Variants in UTP20 observed in about 807,000 individuals in gnomAD.
The protein encoded by UTP20 is UTP20 small subunit processome component.
A neutral mutation model predicts 329.5 loss-of-function variants in UTP20; 164 were observed. That is an observed-to-expected ratio of 0.50 (90% CI 0.44 to 0.57). UTP20 has a LOEUF of 0.57. Ranked by LOEUF, UTP20 falls within the 20% of genes least tolerant of loss-of-function variation. The pLI, the probability that UTP20 is intolerant of heterozygous loss-of-function variation, is 0.00. For synonymous variants in UTP20, 1,151 were observed against 1,159.3 expected, an observed-to-expected ratio of 0.99 and a Z score of 0.14; for missense variants, 3,055 against 3,284.2, an observed-to-expected ratio of 0.93 and a Z score of 1.71.
At chr12:101,285,399 C>A (rs747924176) in intron 2 of UTP20, among the ~76,000 whole-genome samples, 171 bp from the exon 3 acceptor site, 12 of 152,146 alleles carry the variant, frequency 7.9e-5, no homozygotes, top group Non-Finnish European at 1.2e-4. Context: ...CTATTGATAA[C>A]TTCTGATTGC....
intron 35 of UTP20, among the ~76,000 whole-genome samples, chr12:101,344,230 ACT>A (rs1869245973): frequency 6.6e-6 from 1 of 152,140 alleles, no homozygotes; most frequent in Non-Finnish European, 1.5e-5. Flanking sequence ...CAAACCACAA[ACT>A]CTGGAGCAGC....
chr12:101,323,633 GA>G (rs1229037342), intron 25 of UTP20, among the ~76,000 whole-genome samples: 1 of 151,938 alleles, frequency 6.6e-6, no homozygotes, highest in African/African-American at 2.4e-5. Flanking sequence ...ATTTTCTCAT[GA>G]AATTTTTTTT....
chr12:101,340,849 C>T (rs779136596), intron 32 of UTP20, among the ~76,000 whole-genome samples: 9 of 151,564 alleles, frequency 5.9e-5, no homozygotes, highest in Non-Finnish European at 1.2e-4. Context: ...AGTACTAGCC[C>T]CTTTATTTCC....
rs1177599714 is a variant in UTP20 at position 101,280,282 on chromosome 12, C to T, written c.-1C>T. 1 of 1,551,644 alleles carries T rather than the reference C, an allele frequency of 6.4e-7. No homozygotes were observed. The highest frequency in any genetic ancestry group is 1.4e-5 in the African/African-American group (1 of 73,064). ...TCGCGGGCCACTGGCCCTCTGCAGCCATGAAGACAAAGCCCGTTTCCCACA... is the reference window on the plus strand; with the variant it reads ...TCGCGGGCCACTGGCCCTCTGCAGCTATGAAGACAAAGCCCGTTTCCCACA... On this transcript the variant is annotated 5_prime_UTR_variant, in exon 1 of 62. Transcript: ENST00000261637.
chr12:101,283,194 A>G (rs1268174357), intron 2 of UTP20, among the ~76,000 whole-genome samples: 1 of 152,214 alleles, frequency 6.6e-6, no homozygotes, highest in Non-Finnish European at 1.5e-5. Context: ...AGGTATCAAG[A>G]GGCAGTGTTA....
chr12:101,347,200 T>G (rs1869353116), intron 38 of UTP20, among the ~76,000 whole-genome samples: 1 of 152,138 alleles, frequency 6.6e-6, no homozygotes, highest in South Asian at 2.1e-4. Flanking sequence ...TGGCACATAG[T>G]AAAGACTAGA....
In UTP20 at chr12:101,285,833, A is replaced by C; in HGVS notation, c.278A>C (p.Lys93Thr). Reference protein sequence around the residue: ...YHQNEIVQSLKTHLQVKNSFA... With the variant: ...YHQNEIVQSLTTHLQVKNSFA... ...CAAAACGAGATAGTTCAGAGTTTGA[A>C]GACTCACCTGCAAGTTAAGAACAGT... The change falls in exon 4 of 62, where the codon AAG (lysine) becomes ACG (threonine). Residue 93 changes from lysine to threonine, a missense_variant. By Grantham distance (78) the Lys-to-Thr change is moderately conservative (BLOSUM62 -1). Transcript: ENST00000261637. The C allele has an allele frequency of 6.2e-7, 1 of 1,613,930 alleles. No individual in the cohort carries two copies. Among genetic ancestry groups the C allele is most frequent in the Non-Finnish European group, 8.5e-7 (1 of 1,179,910 alleles).
intron 11 of UTP20, among the ~76,000 whole-genome samples, chr12:101,295,199 A>G (rs1872308510): frequency 6.6e-6 from 1 of 152,180 alleles, no homozygotes; most frequent in Non-Finnish European, 1.5e-5. Context: ...GGGAGGGTTC[A>G]TGGAGATAAA....
chr12:101,289,304 G>T (rs2137232349), intron 6 of UTP20, among the ~76,000 whole-genome samples: 1 of 152,096 alleles, frequency 6.6e-6, no homozygotes, highest in Middle Eastern at 3.4e-3. Flanking sequence ...TTGAGCCCAG[G>T]AGGTGGAAGT....
intron 14 of UTP20, among the ~76,000 whole-genome samples, chr12:101,302,169 G>C (rs1872537627): frequency 6.6e-6 from 1 of 152,076 alleles, no homozygotes; most frequent in Non-Finnish European, 1.5e-5. Flanking sequence ...GCCTCAAGTG[G>C]TCCTCCCACC....
chr12:101,342,880 T>C (rs1290375209), intron 34 of UTP20, 43 bp downstream of exon 34: 1 of 1,609,716 alleles, frequency 6.2e-7, no homozygotes, highest in Non-Finnish European at 8.5e-7. Context: ...AGTATTATCA[T>C]TTTTGTTTAC....
chr12:101,359,749 G>A (rs921672559), intron 43 of UTP20, among the ~76,000 whole-genome samples: 1 of 152,080 alleles, frequency 6.6e-6, no homozygotes, highest in Non-Finnish European at 1.5e-5. Context: ...CTAGAAAACT[G>A]GGGCTTTATT....
At position 101,370,516 on chromosome 12, in the gene UTP20, G is replaced by A. The variant is rs1356151015; in HGVS notation, c.6640G>A (p.Asp2214Asn). The stretch of plus-strand genomic sequence containing the variant: ...AGTTCTACTGGCCTATGCTGAGGAG[G>A]ACATTTATGATACTTCAAGACAAGC... ...LQVLLAYAEE[D>N]IYDTSRQATA... Residue 2214 changes from aspartate to asparagine, a missense_variant, in exon 50 of 62, where the codon GAC becomes AAC. Physicochemically the swap from Asp to Asn is conservative, Grantham distance 23. Coordinates refer to ENST00000261637, the MANE Select transcript of UTP20 (RefSeq NM_014503.3). 2.5e-6 allele frequency: 4 copies of A among 1,613,964 alleles called. No individual in the cohort carries two copies. The highest frequency in any genetic ancestry group is 2.5e-6 in the Non-Finnish European group (3 of 1,179,920).
At chr12:101,288,429 T>TG (rs1472312263) in intron 5 of UTP20, among the ~76,000 whole-genome samples, 1 of 152,206 alleles carries the variant, frequency 6.6e-6, no homozygotes, top group East Asian at 1.9e-4. Context: ...ATCTGTAGAA[T>TG]GGGAGGATTA....
chr12:101,355,498 A>G (rs1869689352), intron 41 of UTP20, among the ~76,000 whole-genome samples: 2 of 152,206 alleles, frequency 1.3e-5, no homozygotes, highest in South Asian at 4.1e-4. Context: ...TCAGCAGTGC[A>G]TTCTCATGAA....
chr12:101,287,560 A>G (rs1489180659), intron 5 of UTP20, among the ~76,000 whole-genome samples: 1 of 152,168 alleles, frequency 6.6e-6, no homozygotes, highest in African/African-American at 2.4e-5. Flanking sequence ...AACTCCTCTT[A>G]TCTGTACATT....
chr12:101,380,589 G>A (rs1223779713), intron 57 of UTP20, among the ~76,000 whole-genome samples: 1 of 152,008 alleles, frequency 6.6e-6, no homozygotes, highest in Non-Finnish European at 1.5e-5. Flanking sequence ...TTGGCCGGGT[G>A]TGGTGGCTCA....
chr12:101,305,140 G>GAGAAAACCAGGGTTTTCTCC (rs1872616285), intron 15 of UTP20, among the ~76,000 whole-genome samples: 1 of 151,454 alleles, frequency 6.6e-6, no homozygotes, highest in Non-Finnish European at 1.5e-5. Flanking sequence ...TGGTTTTCTG[G>GAGAAAACCAGGGTTTTCTCC]AGAAAACCAG....
chr12:101,368,938 C>T (rs368965862), intron 48 of UTP20, among the ~76,000 whole-genome samples: 224 of 152,156 alleles, frequency 1.5e-3, no homozygotes, highest in African/African-American at 5.1e-3. Context: ...GCAGCCAGAG[C>T]AGCACGGGTG....
Sources: allele counts gnomAD v4.1 joint callset (sites outside exome capture counted in the v4.1 genomes callset), GRCh38; gene constraint gnomAD v4.1.1; transcripts MANE v1.5; gene names NCBI Gene and HGNC (gene_info 2026-07-23, HGNC 2026-07-21).